Variants in CSGALNACT1 observed in about 807,000 individuals in gnomAD.
CSGALNACT1 encodes the protein beta4GalNAcT-1.
In CSGALNACT1, 52 loss-of-function variants were observed where a neutral mutation model predicts 51.0. That is an observed-to-expected ratio of 1.02 (90% CI 0.82 to 1.29). The LOEUF (loss-of-function observed/expected upper bound fraction) is 1.29. Among genes scored for constraint, CSGALNACT1 ranks in the 50% most tolerant of loss-of-function variants. The pLI, the probability that CSGALNACT1 is intolerant of heterozygous loss-of-function variation, is 0.00. For synonymous variants in CSGALNACT1, 341 were observed against 254.4 expected, an observed-to-expected ratio of 1.34 and a Z score of -3.24; for missense variants, 935 against 679.2, an observed-to-expected ratio of 1.38 and a Z score of -4.19.
intron 4 of CSGALNACT1, among the ~76,000 whole-genome samples, chr8:19,471,130 G>T (rs1431235362): frequency 6.6e-6 from 1 of 151,480 alleles, no homozygotes; most frequent in African/African-American, 2.4e-5. Flanking sequence ...AGAGAGAGGG[G>T]AGAGAGAGAG....
chr8:19,520,734 T>C (rs2080496854), intron 3 of CSGALNACT1, among the ~76,000 whole-genome samples: 1 of 152,208 alleles, frequency 6.6e-6, no homozygotes, highest in South Asian at 2.1e-4. Flanking sequence ...TAGACTTTCC[T>C]CTCATAATTA....
chr8:19,754,113 C>T (rs4922095), intron 1 of CSGALNACT1, among the ~76,000 whole-genome samples: 83,098 of 151,740 alleles, frequency 0.55, 22,855 homozygotes, highest in Middle Eastern at 0.73. Flanking sequence ...ATGCAACCTC[C>T]GCCTCCCTGG....
At chr8:19,433,992 G>A (rs973682707) in intron 6 of CSGALNACT1, among the ~76,000 whole-genome samples, 1 of 152,134 alleles carries the variant, frequency 6.6e-6, no homozygotes, top group African/African-American at 2.4e-5. Context: ...GCTTACCAGA[G>A]AGCTGGAGTC....
At chr8:19,695,652 T>C (rs1295303672) in intron 1 of CSGALNACT1, among the ~76,000 whole-genome samples, 1 of 151,978 alleles carries the variant, frequency 6.6e-6, no homozygotes, top group Non-Finnish European at 1.5e-5. Flanking sequence ...CAGATTGGAG[T>C]AGAGATTGTG....
At chr8:19,724,303 G>A (rs2063280551) in intron 1 of CSGALNACT1, among the ~76,000 whole-genome samples, 1 of 152,174 alleles carries the variant, frequency 6.6e-6, no homozygotes, top group African/African-American at 2.4e-5. Flanking sequence ...CATTCCCTCT[G>A]GAGGCTCTAG....
chr8:19,498,644 C>A (rs2075889101), intron 4 of CSGALNACT1, among the ~76,000 whole-genome samples: 1 of 152,162 alleles, frequency 6.6e-6, no homozygotes, highest in South Asian at 2.1e-4. Context: ...GAACACATGT[C>A]CTTCCAATTT....
intron 1 of CSGALNACT1, among the ~76,000 whole-genome samples, chr8:19,709,335 T>C (rs1255859933): frequency 6.6e-6 from 1 of 152,238 alleles, no homozygotes; most frequent in Non-Finnish European, 1.5e-5. Flanking sequence ...GGCACTGTCG[T>C]AGGCATCAGG....
At chr8:19,441,866 T>C (rs1440469943) in intron 5 of CSGALNACT1, among the ~76,000 whole-genome samples, 5 of 148,556 alleles carry the variant, frequency 3.4e-5, no homozygotes, top group African/African-American at 4.9e-5. Context: ...CTCCAACAAA[T>C]TTACAAGAAA....
intron 1 of CSGALNACT1, among the ~76,000 whole-genome samples, chr8:19,657,928 C>G (rs993487631): frequency 1.3e-5 from 2 of 152,072 alleles, no homozygotes; most frequent in South Asian, 4.1e-4. Flanking sequence ...AGAGAAGACT[C>G]AGGCATCAGC....
intron 3 of CSGALNACT1, among the ~76,000 whole-genome samples, chr8:19,569,374 C>T (rs941955960): frequency 6.6e-6 from 1 of 152,166 alleles, no homozygotes; most frequent in Non-Finnish European, 1.5e-5. Context: ...TAGTGAAATA[C>T]AGTAAACTCA....
chr8:19,755,343 T>C (rs2065286978), intron 1 of CSGALNACT1, among the ~76,000 whole-genome samples: 1 of 149,438 alleles, frequency 6.7e-6, no homozygotes, highest in Non-Finnish European at 1.5e-5. Context: ...CTCCAATAAA[T>C]AATCAATAGA....
chr8:19,453,728 A>G (rs1219012378), intron 5 of CSGALNACT1, among the ~76,000 whole-genome samples: 1 of 152,134 alleles, frequency 6.6e-6, no homozygotes, highest in Non-Finnish European at 1.5e-5. Flanking sequence ...CCTGGCGAAC[A>G]TGGTGAAACC....
chr8:19,438,669 G>T (rs575614732), intron 6 of CSGALNACT1, among the ~76,000 whole-genome samples: 4 of 152,158 alleles, frequency 2.6e-5, no homozygotes, highest in African/African-American at 9.7e-5. Context: ...CACAGCTGTA[G>T]ACAAAGGCAG....
At chr8:19,707,270 T>G (rs961391713) in intron 1 of CSGALNACT1, among the ~76,000 whole-genome samples, 2 of 152,174 alleles carry the variant, frequency 1.3e-5, no homozygotes, top group African/African-American at 2.4e-5. Context: ...CCATAAGTGT[T>G]CTATAATTAG....
chr8:19,628,885 A>G (rs879339644), intron 1 of CSGALNACT1, among the ~76,000 whole-genome samples: 1 of 152,188 alleles, frequency 6.6e-6, no homozygotes, highest in Non-Finnish European at 1.5e-5. Context: ...GAACACAAAA[A>G]GACAAAGTAA....
chr8:19,561,433 A>G (rs1363005742), intron 3 of CSGALNACT1, among the ~76,000 whole-genome samples: 2 of 152,180 alleles, frequency 1.3e-5, no homozygotes, highest in Non-Finnish European at 2.9e-5. Context: ...ACAGATGAAA[A>G]ATAATGGTGG....
At chr8:19,467,468 G>C (rs1324589803) in intron 4 of CSGALNACT1, among the ~76,000 whole-genome samples, 2 of 152,026 alleles carry the variant, frequency 1.3e-5, no homozygotes, top group South Asian at 4.2e-4. Context: ...CCCTTGCAGA[G>C]AACTGCAATG....
chr8:19,716,787 T>G (rs10095445), intron 1 of CSGALNACT1, among the ~76,000 whole-genome samples: 107,399 of 151,554 alleles, frequency 0.71, 38,612 homozygotes, highest in East Asian at 0.86. Context: ...GTGAGACTTT[T>G]TCTCAAAAAA....
chr8:19,572,867 A>G (rs927346326), intron 3 of CSGALNACT1, among the ~76,000 whole-genome samples: 1 of 152,254 alleles, frequency 6.6e-6, no homozygotes, highest in Admixed American at 6.5e-5. Context: ...AGTGAAGATA[A>G]ATAATCCGTA....
Sources: allele counts gnomAD v4.1 joint callset (sites outside exome capture counted in the v4.1 genomes callset), GRCh38; gene constraint gnomAD v4.1.1; transcripts MANE v1.5; gene names NCBI Gene and HGNC (gene_info 2026-07-23, HGNC 2026-07-21).